The following PMM2 variants were observed in gnomAD, a reference collection of about 807,000 sequenced individuals.
PMM2 encodes the protein phosphomannomutase 2.
Under a neutral mutation model 33.2 loss-of-function variants are expected in PMM2, and 35 were observed. That is an observed-to-expected ratio of 1.06 (90% confidence interval 0.81 to 1.40). The LOEUF (loss-of-function observed/expected upper bound fraction) is 1.40, where lower values mean the gene tolerates loss of function less well. Among genes scored for constraint, PMM2 ranks in the 40% most tolerant of loss-of-function variants. The pLI is 0.00. For synonymous variants in PMM2, 153 were observed against 114.7 expected, an observed-to-expected ratio of 1.33 and a Z score of -2.13; for missense variants, 386 against 306.0, an observed-to-expected ratio of 1.26 and a Z score of -1.95.
chr16:8,825,584 C>T (rs1023399299), intron 7 of PMM2, among the ~76,000 whole-genome samples: 1 of 151,808 alleles, frequency 6.6e-6, no homozygotes, highest in African/African-American at 2.4e-5. Context: ...CCTCCCAAAG[C>T]GCTGGGATTA....
chr16:8,802,325 C>G (rs1450424451), intron 2 of PMM2: 2 of 455,810 alleles, frequency 4.4e-6, no homozygotes, highest in African/African-American at 4.0e-5. Context: ...ACCAGAGAGG[C>G]TTATTGACCC....
chr16:8,813,170 A>G (rs993212193), intron 7 of PMM2, 64 bp downstream of exon 7: 16 of 1,029,912 alleles, frequency 1.6e-5, no homozygotes, highest in African/African-American at 9.4e-5. Context: ...GAAATTGACA[A>G]CTGGGCTGTT....
chr16:8,804,451 G>A (rs2060635007), intron 2 of PMM2, among the ~76,000 whole-genome samples: 1 of 152,178 alleles, frequency 6.6e-6, no homozygotes, highest in South Asian at 2.1e-4. Flanking sequence ...CCTGGTTGCT[G>A]CTGGTGAACC....
chr16:8,841,451 G>C (rs1327574422), intron 7 of PMM2, among the ~76,000 whole-genome samples: 2 of 142,698 alleles, frequency 1.4e-5, no homozygotes, highest in Non-Finnish European at 3.1e-5. Context: ...GCCAGTCCTG[G>C]GTGGGGGCAA....
chr16:8,826,087 T>A (rs997906242), intron 7 of PMM2, among the ~76,000 whole-genome samples: 5 of 152,222 alleles, frequency 3.3e-5, no homozygotes, highest in Admixed American at 6.5e-5. Context: ...TGGGCCCAGA[T>A]TCTGGCCCTG....
intron 7 of PMM2, among the ~76,000 whole-genome samples, chr16:8,824,873 C>T (rs1047308848): frequency 6.6e-6 from 1 of 152,092 alleles, no homozygotes; most frequent in African/African-American, 2.4e-5. Context: ...TAGCATGAGG[C>T]CAACTGAATC....
At chr16:8,813,253 G>A (rs1388633212) in intron 7 of PMM2, 147 bp downstream of exon 7, 2 of 713,864 alleles carry the variant, frequency 2.8e-6, no homozygotes, top group Non-Finnish European at 5.2e-6. Context: ...AGAGGTGGGT[G>A]ATTGAGCCAC....
intron 7 of PMM2, among the ~76,000 whole-genome samples, chr16:8,814,287 C>T (rs562675354): frequency 6.6e-6 from 1 of 152,282 alleles, no homozygotes; most frequent in South Asian, 2.1e-4. Context: ...AGCCCCATCA[C>T]CTTTTCAGTT....
intron 7 of PMM2, among the ~76,000 whole-genome samples, chr16:8,828,958 C>T (rs1262120758): frequency 6.6e-6 from 1 of 152,150 alleles, no homozygotes; most frequent in Non-Finnish European, 1.5e-5. Context: ...CATGTGAGAG[C>T]TGGTTGTGCC....
At position 8,847,473 on chromosome 16, in the gene PMM2, A is replaced by G. The variant is rs1407228858; in HGVS notation, c.640-251A>G. ...GCCTTAGACAGATCTTCGCAAGAAC[A>G]TCGTGATGGCTCTCATAGGCATAAT... is the stretch of plus-strand genomic sequence containing the variant. On this transcript the variant is annotated intron_variant, in intron 7 of 7. Coordinates refer to ENST00000268261, the MANE Select transcript of PMM2 (RefSeq NM_000303.3). Among the ~76,000 whole-genome samples the G allele has an allele frequency of 2.6e-5, 4 of 152,176 alleles. No individual in the cohort carries two copies. In the East Asian group the frequency reaches 7.7e-4, roughly 29 times the overall value.
In PMM2 at chr16:8,813,070, T is replaced by G. The variant is rs1202400777; in HGVS notation, c.603T>G (p.Tyr201Ter). The change falls in exon 7 of 8, where the codon TAT becomes TAG. Residue 201 changes from tyrosine to a stop codon, truncating the protein, a stop_gained. Transcript: ENST00000268261. LOFTEE classifies it high-confidence loss of function. ...TGCGACATGTGGAAAATGACGGTTA[T>G]AAGACCATTTATTTCTTTGGAGACA... is the stretch of plus-strand genomic sequence containing the variant. ...YCLRHVENDG[Y>*]KTIYFFGDKT... The G allele has an allele frequency of 1.1e-5, 18 of 1,611,082 alleles. No homozygotes were observed. The highest frequency in any genetic ancestry group is 1.5e-5 in the Non-Finnish European group (18 of 1,177,108).
chr16:8,800,360 CAAAAAAAAA>C (rs5815496), intron 1 of PMM2, among the ~76,000 whole-genome samples: 1 of 128,402 alleles, frequency 7.8e-6, no homozygotes, highest in Non-Finnish European at 1.7e-5. Context: ...GACTTCGTGT[CAAAAAAAAA>C]AAAAAAAAGA....
Position 8,811,097 on chromosome 16 carries a change from C to T in PMM2, c.366C>T (p.Phe122=), listed in dbSNP as rs145714866. The T allele has an allele frequency of 4.1e-4, 636 of 1,569,762 alleles. 7 individuals are homozygous for T. The East Asian group carries it at 6.7e-3, about 17-fold the overall frequency. ...TTCCCAGGGGTACTTTCATTGAATTCCGAAATGGGATGTTAAACGTGTCCC... is the reference window on the plus strand; with the variant it reads ...TTCCCAGGGGTACTTTCATTGAATTTCGAAATGGGATGTTAAACGTGTCCC... ...LPKKRGTFIE[F]RNGMLNVSPI... The change falls in exon 5 of 8, where the codon TTC becomes TTT. Residue 122 remains phenylalanine, a synonymous_variant. Coordinates refer to ENST00000268261, the MANE Select transcript of PMM2 (RefSeq NM_000303.3).
chr16:8,845,018 G>A (rs527828666), intron 7 of PMM2, among the ~76,000 whole-genome samples: 3 of 152,338 alleles, frequency 2.0e-5, no homozygotes, highest in East Asian at 3.9e-4. Flanking sequence ...TCTGAGTCAC[G>A]GCACCAAATT....
chr16:8,807,926 A>G (rs1256391749), intron 4 of PMM2: 1 of 152,278 alleles, frequency 6.6e-6, no homozygotes, highest in Non-Finnish European at 1.5e-5. Context: ...CTGGCAGGAA[A>G]TAGACCCAAA....
chr16:8,806,498 A>G, intron 4 of PMM2, 91 bp downstream of exon 4: 1 of 833,388 alleles, frequency 1.2e-6, no homozygotes, highest in Non-Finnish European at 2.1e-6. Context: ...TAGGATTATA[A>G]AAATCACCTA....
rs199956353 is a variant in PMM2, at chr16:8,835,967, C to G, written c.640-11757C>G. 5.9e-5 allele frequency among the ~76,000 whole-genome samples: 9 copies of G among 151,278 alleles called. No individual in the cohort carries two copies. In the East Asian group the frequency reaches 1.7e-3, roughly 29 times the overall value. On this transcript the variant is annotated intron_variant, in intron 7 of 7. Coordinates refer to ENST00000268261, the MANE Select transcript of PMM2 (RefSeq NM_000303.3). ...TGTAGTTCAGGAATACTCAGGGAAG[C>G]AGATAATTTAAAGTGTCTCGGCCTA...
intron 3 of PMM2, among the ~76,000 whole-genome samples, chr16:8,805,279 G>T (rs996695781): frequency 6.6e-6 from 1 of 152,098 alleles, no homozygotes; most frequent in African/African-American, 2.4e-5. Context: ...TGTTGGCCAG[G>T]CTGATCTCTA....
At chr16:8,845,901 G>A (rs974583219) in intron 7 of PMM2, among the ~76,000 whole-genome samples, 7 of 151,362 alleles carry the variant, frequency 4.6e-5, no homozygotes, top group Admixed American at 2.0e-4. Flanking sequence ...AGGTTCGCTC[G>A]AGCCCAGCCT....
Sources: allele counts gnomAD v4.1 joint callset (sites outside exome capture counted in the v4.1 genomes callset), GRCh38; gene constraint gnomAD v4.1.1; transcripts MANE v1.5; gene names NCBI Gene and HGNC (gene_info 2026-07-23, HGNC 2026-07-21).